Variants in CCNY observed in about 807,000 individuals in gnomAD.
CCNY encodes cyclin Y, also known as cyclin-Y.
In CCNY, 19 loss-of-function variants were observed where a neutral mutation model predicts 42.8. The observed-to-expected ratio is 0.44, with a 90% CI of 0.31 to 0.65. CCNY has a LOEUF of 0.65. CCNY is among the 30% of genes least tolerant of loss of function. The probability of loss-of-function intolerance (pLI) is 0.07; values close to 1 mark genes in which losing one functional copy is unlikely to be tolerated. For synonymous variants in CCNY, 165 were observed against 162.7 expected (o/e 1.01, Z -0.11); for missense variants, 370 against 437.3 (o/e 0.85, Z 1.37).
chr10:35,491,185 G>T (rs570790014), intron 2 of CCNY, among the ~76,000 whole-genome samples: 1 of 152,316 alleles, frequency 6.6e-6, no homozygotes, highest in Admixed American at 6.5e-5. Context: ...GTTAGGCAAG[G>T]CTCTAGGACC....
chr10:35,476,191 C>T (rs1323321178), intron 1 of CCNY, among the ~76,000 whole-genome samples: 1 of 152,146 alleles, frequency 6.6e-6, no homozygotes, highest in Non-Finnish European at 1.5e-5. Flanking sequence ...TAATGGGAGA[C>T]TTTAACACCC....
At chr10:35,263,225 C>T (rs967739332) in intron 3 of CCNY, among the ~76,000 whole-genome samples, 9 of 151,712 alleles carry the variant, frequency 5.9e-5, no homozygotes, top group African/African-American at 1.9e-4. Context: ...GGCGTGGTGG[C>T]GGGCTCCTGT....
intron 8 of CCNY, among the ~76,000 whole-genome samples, chr10:35,558,604 G>A (rs144102936): frequency 4.0e-4 from 61 of 152,264 alleles, no homozygotes; most frequent in African/African-American, 1.4e-3. Context: ...TTTTTAAAGA[G>A]GAAATTAAAT....
At chr10:35,459,985 A>G (rs1421427401) in intron 1 of CCNY, among the ~76,000 whole-genome samples, 1 of 152,206 alleles carries the variant, frequency 6.6e-6, no homozygotes. Context: ...AATGCAGCCT[A>G]AAACAACATC....
chr10:35,351,272 T>C (rs1836424407), intron 1 of CCNY, among the ~76,000 whole-genome samples: 1 of 152,228 alleles, frequency 6.6e-6, no homozygotes, highest in African/African-American at 2.4e-5. Context: ...ACCTCTTCTG[T>C]TTATACGACA....
At chr10:35,325,371 T>G (rs2135099453) in intron 3 of CCNY, among the ~76,000 whole-genome samples, 1 of 151,456 alleles carries the variant, frequency 6.6e-6, no homozygotes, top group South Asian at 2.1e-4. Context: ...TAGAGAGGGG[T>G]TTCACCACGT....
intron 3 of CCNY, among the ~76,000 whole-genome samples, chr10:35,304,863 G>C (rs1164682753): frequency 6.6e-6 from 1 of 152,198 alleles, no homozygotes; most frequent in Admixed American, 6.5e-5. Context: ...GGAGTGCTGA[G>C]CCTCAAGGCA....
chr10:35,457,455 T>C (rs1287559045), intron 1 of CCNY, among the ~76,000 whole-genome samples: 16 of 152,218 alleles, frequency 1.1e-4, no homozygotes, highest in Admixed American at 9.8e-4. Context: ...CCTCCGTGTT[T>C]CCTGTGTCTG....
chr10:35,339,472 A>G lies in CCNY; in HGVS notation c.154+2265A>G, dbSNP rs576085670. On this transcript the variant is annotated intron_variant, in intron 1 of 9. Transcript: ENST00000374704. ...TCTATATGTCTGTATTTGCTCATCTATATCTGTATGTATTTGAACTGAGTT... is the reference window on the plus strand; with the variant it reads ...TCTATATGTCTGTATTTGCTCATCTGTATCTGTATGTATTTGAACTGAGTT... Among the ~76,000 whole-genome samples the G allele has an allele frequency of 5.3e-5, 8 of 152,292 alleles. 1 individual carries two copies. In the South Asian group the frequency reaches 1.5e-3, roughly 28 times the overall value.
Position 35,396,431 on chromosome 10 carries a change from C to T in CCNY, c.154+59224C>T, listed in dbSNP as rs74972454. Among the ~76,000 whole-genome samples, 34 of 152,338 alleles carry T rather than the reference C, an allele frequency of 2.2e-4. No individual in the cohort carries two copies. In the East Asian group the frequency reaches 5.6e-3, roughly 25 times the overall value. On this transcript the variant is annotated intron_variant, in intron 1 of 9. Coordinates refer to ENST00000374704, the MANE Select transcript of CCNY (RefSeq NM_145012.6). ...AGAAGGTGGGGTGGGGGGCAGCCAG[C>T]CTGAGTATCTGCAGGTTGGAGAATG... is the stretch of plus-strand genomic sequence containing the variant.
chr10:35,526,041 T>C (rs888334990), intron 5 of CCNY, 42 bp downstream of exon 5: 1 of 1,547,964 alleles, frequency 6.5e-7, no homozygotes, highest in African/African-American at 1.4e-5. Context: ...TACGTTATCT[T>C]CTGTTATGTT....
intron 3 of CCNY, among the ~76,000 whole-genome samples, chr10:35,314,002 T>TAAAAAAAAAAAA (rs1835723048): frequency 7.3e-6 from 1 of 136,542 alleles, no homozygotes. Flanking sequence ...AAAAAAAAAG[T>TAAAAAAAAAAAA]AAAATACTGG....
chr10:35,343,613 C>T (rs778580519), intron 1 of CCNY, among the ~76,000 whole-genome samples: 5 of 151,954 alleles, frequency 3.3e-5, no homozygotes, highest in Non-Finnish European at 7.4e-5. Context: ...CGATCTCAAA[C>T]TCCTGACCTC....
chr10:35,526,103 T>A lies in CCNY; in HGVS notation c.401+104T>A, dbSNP rs941851907. On this transcript the variant is annotated intron_variant, in intron 5 of 9. Transcript: ENST00000374704. The stretch of plus-strand genomic sequence containing the variant: ...CTTAAACCTTTGAATTATACTTTCT[T>A]AACTCATATTTTCATAGAATTTCTA... 1.1e-4 allele frequency: 108 copies of A among 983,194 alleles called. No homozygotes were observed. The African/African-American group carries it at 1.7e-3, about 16-fold the overall frequency. 60.9% of individuals were successfully genotyped at this position (983,194 alleles called of 1,614,324 possible).
intron 1 of CCNY, among the ~76,000 whole-genome samples, chr10:35,379,299 G>A (rs1291177907): frequency 1.3e-5 from 2 of 152,166 alleles, no homozygotes; most frequent in Non-Finnish European, 2.9e-5. Flanking sequence ...TGCCCCCCTG[G>A]ACCTGGATGG....
intron 1 of CCNY, among the ~76,000 whole-genome samples, chr10:35,414,132 A>G (rs1393397258): frequency 6.6e-6 from 1 of 152,208 alleles, no homozygotes; most frequent in Non-Finnish European, 1.5e-5. Flanking sequence ...AGCTTAAGAC[A>G]ACACACATTG....
chr10:35,398,570 G>A (rs964398358), intron 1 of CCNY, among the ~76,000 whole-genome samples: 11 of 151,996 alleles, frequency 7.2e-5, no homozygotes, highest in Admixed American at 3.3e-4. Context: ...CCAAGTTCCC[G>A]GTGGTAGAAA....
At position 35,428,920 on chromosome 10, in the gene CCNY, C is replaced by T. The variant is rs555787174; in HGVS notation, c.155-54484C>T. ...TCTAGGGCAGCAAGCCTTTGGGCCC[C>T]TTACTTAGGGCAAGGCACAAGTATT... On this transcript the variant is annotated intron_variant, in intron 1 of 9. Coordinates refer to ENST00000374704, the MANE Select transcript of CCNY (RefSeq NM_145012.6). Among the ~76,000 whole-genome samples the T allele has an allele frequency of 2.8e-4, 42 of 152,292 alleles. No homozygotes were observed. The South Asian group carries it at 7.1e-3, about 26-fold the overall frequency.
intron 3 of CCNY, among the ~76,000 whole-genome samples, chr10:35,509,083 A>C (rs1840270183): frequency 6.6e-6 from 1 of 152,192 alleles, no homozygotes; most frequent in Admixed American, 6.5e-5. Flanking sequence ...ATGGCCAAAT[A>C]CATTTCTACA....
Sources: gnomAD v4.1 joint callset for allele counts (sites outside exome capture counted in the v4.1 genomes callset) on GRCh38, gnomAD v4.1.1 for gene constraint, MANE v1.5 for transcripts, NCBI Gene and HGNC (gene_info 2026-07-23, HGNC 2026-07-21) for gene names.